The following GALNT16 variants were observed in gnomAD, a reference collection of about 807,000 sequenced individuals.
GALNT16 encodes UDP-GalNAc:polypeptide N-acetylgalactosaminyltransferase-like protein 1.
Under a neutral mutation model 76.1 loss-of-function variants are expected in GALNT16, and 40 were observed. That is an observed-to-expected ratio of 0.53 (90% CI 0.41 to 0.68). The LOEUF (loss-of-function observed/expected upper bound fraction) is 0.68. GALNT16 is among the 30% of genes least tolerant of loss of function. The probability of loss-of-function intolerance (pLI) is 0.00; values close to 1 mark genes in which losing one functional copy is unlikely to be tolerated. For missense variants in GALNT16, 621 were observed against 731.9 expected, an observed-to-expected ratio of 0.85 and a Z score of 1.75; for synonymous variants, 276 against 285.2, an observed-to-expected ratio of 0.97 and a Z score of 0.32.
intron 1 of GALNT16, among the ~76,000 whole-genome samples, chr14:69,286,061 C>A (rs917523134): frequency 3.9e-5 from 6 of 152,164 alleles, no homozygotes; most frequent in Admixed American, 3.9e-4. Flanking sequence ...TAACCAGCAC[C>A]TGGCTGGCTT....
chr14:69,285,546 C>T (rs2140121812), intron 1 of GALNT16, among the ~76,000 whole-genome samples: 1 of 152,274 alleles, frequency 6.6e-6, no homozygotes, highest in African/African-American at 2.4e-5. Flanking sequence ...CAGGATGGCT[C>T]CCATTTAAGA....
At chr14:69,351,341 C>T (rs1177709478) in intron 14 of GALNT16, 1 of 152,266 alleles carries the variant, frequency 6.6e-6, no homozygotes, top group Non-Finnish European at 1.5e-5. Context: ...CCATCTAAGG[C>T]AGAGGGCAAA....
intron 11 of GALNT16, among the ~76,000 whole-genome samples, chr14:69,341,422 C>T (rs556435502): frequency 6.6e-6 from 1 of 152,226 alleles, no homozygotes; most frequent in Non-Finnish European, 1.5e-5. Context: ...GGCATGGTCC[C>T]GTATGGTCTG....
chr14:69,268,730 G>C (rs1168429158), intron 1 of GALNT16, among the ~76,000 whole-genome samples: 3 of 152,226 alleles, frequency 2.0e-5, no homozygotes, highest in African/African-American at 2.4e-5. Context: ...TACTATGAAA[G>C]TAAAGCAGCA....
chr14:69,312,014 C>T (rs745781), intron 1 of GALNT16, among the ~76,000 whole-genome samples: 3 of 149,542 alleles, frequency 2.0e-5, no homozygotes, highest in Non-Finnish European at 4.4e-5. Flanking sequence ...ACCCGCCTAG[C>T]GTAACATAGC....
At chr14:69,284,768 C>T (rs1244296299) in intron 1 of GALNT16, among the ~76,000 whole-genome samples, 4 of 152,108 alleles carry the variant, frequency 2.6e-5, no homozygotes, top group African/African-American at 9.7e-5. Context: ...CCCCATGTGT[C>T]GTGGGAGGGA....
intron 2 of GALNT16, among the ~76,000 whole-genome samples, chr14:69,322,858 T>A (rs1212069950): frequency 6.6e-6 from 1 of 151,398 alleles, no homozygotes; most frequent in African/African-American, 2.4e-5. Flanking sequence ...AGTACCGTAC[T>A]CCAGCCTGGG....
At chr14:69,297,264 C>T (rs1376066946) in intron 1 of GALNT16, among the ~76,000 whole-genome samples, 2 of 152,246 alleles carry the variant, frequency 1.3e-5, no homozygotes, top group African/African-American at 2.4e-5. Context: ...CAGACGTATA[C>T]ACTCGCAAGT....
chr14:69,378,746 C>G, the GALNT16 span, among the ~76,000 whole-genome samples: 1 of 152,154 alleles, frequency 6.6e-6, no homozygotes, highest in Non-Finnish European at 1.5e-5. Flanking sequence ...GGTACTATAT[C>G]TGAGAATCAA....
In GALNT16 at chr14:69,331,571, G is replaced by C. The variant is rs768418871; in HGVS notation, c.778+20G>C. ...GTGGAGGTGAGTTCTGCTCCCGGGG[G>C]TGGGGCTGTAGACATGAAAGGAGGT... On this transcript the variant is annotated intron_variant, in intron 7 of 14. Coordinates refer to ENST00000448469, the MANE Select transcript of GALNT16 (RefSeq NM_001168368.2). The C allele has an allele frequency of 7.0e-7, 1 of 1,420,820 alleles. No individual in the cohort carries two copies. Among genetic ancestry groups the C allele is most frequent in the Non-Finnish European group, 1.0e-6 (1 of 1,003,582 alleles). 88.0% of individuals were successfully genotyped at this position (1,420,820 alleles called of 1,614,324 possible).
At position 69,333,617 on chromosome 14, in the gene GALNT16, T is replaced by C. The variant is rs1476553047; in HGVS notation, c.967+17T>C. The stretch of plus-strand genomic sequence containing the variant: ...AGAATTTTGGTGAGTTGGGAAATAG[T>C]GACAGTGAAAATAACAGTAGCAGTA... On this transcript the variant is annotated intron_variant, in intron 9 of 14. Transcript: ENST00000448469. This position sits in a 1 kb window ranked among gnomAD's most constrained non-coding sequence, Gnocchi z 4.2. The C allele has an allele frequency of 7.8e-7, 1 of 1,287,416 alleles. No homozygotes were observed. The highest frequency in any genetic ancestry group is 1.1e-6 in the Non-Finnish European group (1 of 891,088). 79.7% of individuals were successfully genotyped at this position (1,287,416 alleles called of 1,614,324 possible).
At chr14:69,378,623 T>C in the GALNT16 span, among the ~76,000 whole-genome samples, 1 of 152,234 alleles carries the variant, frequency 6.6e-6, no homozygotes, top group African/African-American at 2.4e-5. Context: ...AAGCTTTTAA[T>C]GATTCCAAAC....
At chr14:69,341,864 G>A in intron 12 of GALNT16, 100 bp downstream of exon 12, 1 of 733,554 alleles carries the variant, frequency 1.4e-6, no homozygotes, top group Non-Finnish European at 2.4e-6. Context: ...CTCAACACTG[G>A]TGATCTGGCT....
At chr14:69,277,833 C>A (rs968000027) in intron 1 of GALNT16, among the ~76,000 whole-genome samples, 3 of 152,172 alleles carry the variant, frequency 2.0e-5, no homozygotes, top group Non-Finnish European at 4.4e-5. Flanking sequence ...AGTTTACAGT[C>A]CCATCAACAG....
intron 12 of GALNT16, among the ~76,000 whole-genome samples, chr14:69,346,681 T>C (rs531825902): frequency 2.5e-4 from 38 of 152,314 alleles, no homozygotes; most frequent in Non-Finnish European, 4.9e-4. Flanking sequence ...CATTTTGGGA[T>C]TGATTATTGA....
Position 69,280,154 on chromosome 14 carries a change from C to G in GALNT16, c.177+19687C>G, listed in dbSNP as rs140991926. ...CCATTCATCTACAGAGCTCTTTCAT[C>G]TTCCCAAACTCAAAGTCTACGCCCA... On this transcript the variant is annotated intron_variant, in intron 1 of 14. Transcript: ENST00000448469. 9.9e-3 allele frequency among the ~76,000 whole-genome samples: 1,513 copies of G among 152,324 alleles called. 23 individuals are homozygous for G. Among genetic ancestry groups the G allele is most frequent in the Middle Eastern group, 0.031 (9 of 294 alleles).
In GALNT16 at chr14:69,312,059, GTCTATCTA is replaced by G. The variant is rs3045602; in HGVS notation, c.178-8614_178-8607del. On this transcript the variant is annotated intron_variant, in intron 1 of 14. Coordinates refer to ENST00000448469, the MANE Select transcript of GALNT16 (RefSeq NM_001168368.2). Reference sequence around the variant, plus strand: ...TTTCTAAAAAAAAAAAAAAAAATCTGTCTATCTATCTATCTATCTATCTATCTATCTAT... The same window carrying G: ...TTTCTAAAAAAAAAAAAAAAAATCTGTCTATCTATCTATCTATCTATCTAT... Among the ~76,000 whole-genome samples, 554 of 94,276 alleles carry G rather than the reference GTCTATCTA, an allele frequency of 5.9e-3. 2 individuals carry two copies. Among genetic ancestry groups the G allele is most frequent in the East Asian group, 0.034 (89 of 2,608 alleles). The allele number at this position is 94,276 out of a possible 152,430, so 61.8% of individuals were successfully genotyped here.
intron 12 of GALNT16, among the ~76,000 whole-genome samples, chr14:69,343,715 C>T (rs1011826156): frequency 7.2e-5 from 11 of 152,330 alleles, no homozygotes; most frequent in Non-Finnish European, 1.5e-4. Context: ...AGGGCAGGAG[C>T]TGGGCAGCCT....
chr14:69,380,368 C>T, the GALNT16 span: 5 of 427,970 alleles, frequency 1.2e-5, no homozygotes, highest in Admixed American at 4.0e-5. Context: ...GAGGAGGTAA[C>T]GGGGGTTTCC....
Sources: gnomAD v4.1 joint callset for allele counts (sites outside exome capture counted in the v4.1 genomes callset) on GRCh38, gnomAD v4.1.1 for gene constraint, Gnocchi (gnomAD v3.1) non-coding constraint, MANE v1.5 for transcripts, NCBI Gene and HGNC (gene_info 2026-07-23, HGNC 2026-07-21) for gene names.